The following ARHGEF10L variants were observed in gnomAD, a reference collection of about 807,000 sequenced individuals.
The protein encoded by ARHGEF10L is rho guanine nucleotide exchange factor 10-like protein.
A neutral mutation model predicts 141.2 loss-of-function variants in ARHGEF10L; 69 were observed. The observed-to-expected ratio is 0.49, with a 90% CI of 0.40 to 0.60. The LOEUF is 0.60. Among genes scored for constraint, ARHGEF10L ranks in the 20% least tolerant of loss-of-function variants. ARHGEF10L has a pLI of 0.00. For synonymous variants in ARHGEF10L, 711 were observed against 718.5 expected (o/e 0.99, Z 0.17); for missense variants, 1,482 against 1,734.3 (o/e 0.85, Z 2.58).
chr1:17,550,778 A>AGAGGAGAGATCCCTCCACAGG (rs2077084523), intron 1 of ARHGEF10L, among the ~76,000 whole-genome samples: 1 of 152,098 alleles, frequency 6.6e-6, no homozygotes, highest in Non-Finnish European at 1.5e-5. Context: ...GAGACAATTC[A>AGAGGAGAGATCCCTCCACAGG]GAGGAGAGAT....
At chr1:17,691,341 G>A (rs980818830) in intron 27 of ARHGEF10L, 2 of 276,232 alleles carry the variant, frequency 7.2e-6, no homozygotes, top group South Asian at 3.2e-5. Flanking sequence ...GAGGTCTGCA[G>A]ATGAAGCCAT....
At position 17,623,847 on chromosome 1, in the gene ARHGEF10L, G is replaced by A. The variant is rs749599420; in HGVS notation, c.1201-540G>A. Among the ~76,000 whole-genome samples, 8 of 152,192 alleles carry A rather than the reference G, an allele frequency of 5.3e-5. No homozygotes were observed. Among genetic ancestry groups the A allele is most frequent in the Non-Finnish European group, 8.8e-5 (6 of 68,040 alleles). On this transcript the variant is annotated intron_variant, in intron 12 of 28. Coordinates refer to ENST00000361221, the MANE Select transcript of ARHGEF10L (RefSeq NM_018125.4). This position sits in a 1 kb window ranked among gnomAD's most constrained non-coding sequence, Gnocchi z 4.7. Reference sequence around the variant, plus strand: ...AAAACTTTTTTTTGAAAGCCACAGCGCTCGATAGAGTCACTGAATAGGTCT... The same window carrying A: ...AAAACTTTTTTTTGAAAGCCACAGCACTCGATAGAGTCACTGAATAGGTCT...
At chr1:17,676,179 T>A (rs1319629907) in intron 26 of ARHGEF10L, among the ~76,000 whole-genome samples, 1 of 144,740 alleles carries the variant, frequency 6.9e-6, no homozygotes, top group African/African-American at 2.6e-5. Context: ...GGTGCAGGTG[T>A]GGGTACAGGT....
chr1:17,624,567 G>C (rs1014926847), intron 13 of ARHGEF10L, 64 bp downstream of exon 13: 1 of 1,368,184 alleles, frequency 7.3e-7, no homozygotes, highest in Non-Finnish European at 1.0e-6. Context: ...AGGAGGAAGG[G>C]AGCATTTTGG....
chr1:17,660,396 G>A (rs1359826089), intron 25 of ARHGEF10L, among the ~76,000 whole-genome samples: 1 of 152,196 alleles, frequency 6.6e-6, no homozygotes, highest in African/African-American at 2.4e-5. Flanking sequence ...CGTGAAATGG[G>A]GGTGTGGACA....
At chr1:17,682,174 G>A (rs970562198) in intron 26 of ARHGEF10L, among the ~76,000 whole-genome samples, 29 of 152,092 alleles carry the variant, frequency 1.9e-4, no homozygotes, top group Non-Finnish European at 1.9e-4. Context: ...ATTTCTCCAG[G>A]GCACCCTGGC....
intron 4 of ARHGEF10L, among the ~76,000 whole-genome samples, chr1:17,597,726 C>T (rs1272792163): frequency 6.6e-6 from 1 of 152,284 alleles, no homozygotes; most frequent in South Asian, 2.1e-4. Context: ...CAGGAAGTGA[C>T]CTCTCTATGC....
intron 4 of ARHGEF10L, among the ~76,000 whole-genome samples, chr1:17,593,304 C>A (rs1028542946): frequency 2.0e-5 from 3 of 152,228 alleles, no homozygotes; most frequent in Admixed American, 6.5e-5. Flanking sequence ...ATTCTCACAA[C>A]TGTGGGAGGC....
chr1:17,631,530 C>A (rs1337203322), intron 15 of ARHGEF10L, among the ~76,000 whole-genome samples: 1 of 152,214 alleles, frequency 6.6e-6, no homozygotes, highest in Non-Finnish European at 1.5e-5. Flanking sequence ...ATGGGGTCCC[C>A]TGCACAAGGC....
At chr1:17,646,955 C>T (rs1032650834) in intron 21 of ARHGEF10L, among the ~76,000 whole-genome samples, 17 of 151,874 alleles carry the variant, frequency 1.1e-4, no homozygotes, top group African/African-American at 3.6e-4. Context: ...AGGGGAACGG[C>T]GAGGCCAGGT....
chr1:17,630,339 A>G (rs1001173486), intron 15 of ARHGEF10L, among the ~76,000 whole-genome samples: 2 of 152,260 alleles, frequency 1.3e-5, no homozygotes, highest in African/African-American at 4.8e-5. Flanking sequence ...CCAAGGGGGC[A>G]GCGCTGACTG....
At chr1:17,665,580 C>T (rs1043858472) in intron 26 of ARHGEF10L, among the ~76,000 whole-genome samples, 3 of 152,138 alleles carry the variant, frequency 2.0e-5, no homozygotes, top group African/African-American at 7.2e-5. Context: ...CCTACCAGAC[C>T]GTCTTTCAGT....
At chr1:17,687,432 C>A in intron 26 of ARHGEF10L, 141 bp from the exon 27 acceptor site, 1 of 934,872 alleles carries the variant, frequency 1.1e-6, no homozygotes, top group Non-Finnish European at 1.6e-6. Context: ...TTTGGCCAAC[C>A]TCATAGCTGG....
chr1:17,605,826 G>T (rs910233682), intron 6 of ARHGEF10L, among the ~76,000 whole-genome samples: 20 of 152,138 alleles, frequency 1.3e-4, no homozygotes, highest in African/African-American at 4.8e-4. Flanking sequence ...ACTAGTTCAG[G>T]GGCCTCCACT....
intron 21 of ARHGEF10L, among the ~76,000 whole-genome samples, chr1:17,646,286 G>A (rs538433055): frequency 1.6e-4 from 24 of 152,310 alleles, no homozygotes; most frequent in Admixed American, 5.2e-4. Context: ...TCTCAGGGTG[G>A]TCCTTCCTCA....
rs1485767969 is a variant in ARHGEF10L, at chr1:17,607,322, A to G, written c.434-480A>G. Among the ~76,000 whole-genome samples the G allele has an allele frequency of 1.3e-5, 2 of 152,142 alleles. No individual in the cohort carries two copies. Among genetic ancestry groups the G allele is most frequent in the Non-Finnish European group, 2.9e-5 (2 of 68,030 alleles). On this transcript the variant is annotated intron_variant, in intron 6 of 28. Transcript: ENST00000361221. This position sits in a 1 kb window ranked among gnomAD's most constrained non-coding sequence, Gnocchi z 4.5. ...AGACTCCGTCTCTACAAAAAATTAAAAAATTAGCTGGGTGTGATGGTGCAC... is the reference window on the plus strand; with the variant it reads ...AGACTCCGTCTCTACAAAAAATTAAGAAATTAGCTGGGTGTGATGGTGCAC...
chr1:17,672,038 C>T lies in ARHGEF10L; in HGVS notation c.3009+7443C>T, dbSNP rs542395091. On this transcript the variant is annotated intron_variant, in intron 26 of 28. Coordinates refer to ENST00000361221, the MANE Select transcript of ARHGEF10L (RefSeq NM_018125.4). ...ATGAAGGTGCTTCCTGAAGCGCGTGCGGTCAGCAATCTGCTCTGCATCTGA... is the reference window on the plus strand; with the variant it reads ...ATGAAGGTGCTTCCTGAAGCGCGTGTGGTCAGCAATCTGCTCTGCATCTGA... Among the ~76,000 whole-genome samples the T allele has an allele frequency of 5.3e-5, 8 of 152,286 alleles. No homozygotes were observed. The East Asian group carries it at 7.7e-4, about 15-fold the overall frequency.
intron 1 of ARHGEF10L, among the ~76,000 whole-genome samples, chr1:17,575,404 T>A (rs1218453641): frequency 6.6e-6 from 1 of 152,198 alleles, no homozygotes; most frequent in Non-Finnish European, 1.5e-5. Context: ...AGAAATGGGG[T>A]CTGGTTTTGA....
Position 17,654,548 on chromosome 1 carries a change from G to C in ARHGEF10L, c.2395-88G>C, listed in dbSNP as rs2062114158. Reference sequence around the variant, plus strand: ...ACCCACAGGGATTCTAATCCAGGGAGAGTTGGATGGGGCCCAGGAATCTGC... The same window carrying C: ...ACCCACAGGGATTCTAATCCAGGGACAGTTGGATGGGGCCCAGGAATCTGC... On this transcript the variant is annotated intron_variant, in intron 22 of 28. Coordinates refer to ENST00000361221, the MANE Select transcript of ARHGEF10L (RefSeq NM_018125.4). The surrounding 1 kb of genome is among the most constrained non-coding windows in gnomAD (Gnocchi z 4.3). 8.8e-7 allele frequency: 1 copy of C among 1,138,858 alleles called. No homozygotes were observed. The highest frequency in any genetic ancestry group is 1.3e-6 in the Non-Finnish European group (1 of 748,078). 70.5% of individuals were successfully genotyped at this position (1,138,858 alleles called of 1,614,324 possible). A position where few individuals can be genotyped will look rare whatever the true frequency, so the allele number is the denominator to read the frequency against.
Sources: allele counts gnomAD v4.1 joint callset (sites outside exome capture counted in the v4.1 genomes callset), GRCh38; gene constraint gnomAD v4.1.1; non-coding constraint Gnocchi (gnomAD v3.1); transcripts MANE v1.5; gene names NCBI Gene and HGNC (gene_info 2026-07-23, HGNC 2026-07-21).